Variants in B3GALT1 observed in about 807,000 individuals in gnomAD.
B3GALT1 encodes the protein beta-1,3-galactosyltransferase 1, also known as UDP-Gal:betaGlcNAc beta 1,3-galactosyltransferase, polypeptide 1.
Under a neutral mutation model 23.2 loss-of-function variants are expected in B3GALT1, and 10 were observed. The ratio of observed to expected loss-of-function variants is 0.43; its 90% CI spans 0.27 to 0.73. The LOEUF (loss-of-function observed/expected upper bound fraction) is 0.73. B3GALT1 is among the 30% of genes least tolerant of loss of function. The pLI is 0.21. For missense variants in B3GALT1, 299 were observed against 405.4 expected (o/e 0.74, Z 2.25); for synonymous variants, 156 against 141.5 (o/e 1.10, Z -0.73).
rs535369991 is a variant in B3GALT1 at position 167,303,682 on chromosome 2, C to CACACACACACACAGAGAG, written c.-511+10349_-511+10350insCACACACACACAGAGAGA. 1.6e-3 allele frequency among the ~76,000 whole-genome samples: 240 copies of CACACACACACACAGAGAG among 148,810 alleles called. 1 individual carries two copies. The East Asian group carries it at 0.024, about 15-fold the overall frequency. On this transcript the variant is annotated intron_variant, in intron 1 of 4. Coordinates refer to ENST00000392690, the MANE Select transcript of B3GALT1 (RefSeq NM_020981.4). Reference sequence around the variant, plus strand: ...ACACACACACACACACACACACACACAGAGAGAGACCTTGTTGCTGCCATT... The same window carrying CACACACACACACAGAGAG: ...ACACACACACACACACACACACACACACACACACACACAGAGAGAGAGAGAGACCTTGTTGCTGCCATT...
intron 1 of B3GALT1, among the ~76,000 whole-genome samples, chr2:167,447,616 G>A (rs897360440): frequency 6.6e-6 from 1 of 152,120 alleles, no homozygotes; most frequent in Non-Finnish European, 1.5e-5. Context: ...TCAGACTGCT[G>A]TATTAGCAAT....
At chr2:167,724,148 G>A (rs534469938) in intron 3 of B3GALT1, among the ~76,000 whole-genome samples, 9 of 152,302 alleles carry the variant, frequency 5.9e-5, no homozygotes, top group Non-Finnish European at 1.2e-4. Flanking sequence ...GCCTGGTTGT[G>A]CAACACTCTC....
At chr2:167,701,001 C>A (rs1289513511) in intron 3 of B3GALT1, among the ~76,000 whole-genome samples, 4 of 152,176 alleles carry the variant, frequency 2.6e-5, no homozygotes, top group Admixed American at 2.6e-4. Flanking sequence ...TGAATGTTTA[C>A]CATGTACCGT....
In B3GALT1 at chr2:167,298,242, AG is replaced by A. The variant is rs536077969; in HGVS notation, c.-511+4910del. On this transcript the variant is annotated intron_variant, in intron 1 of 4. Transcript: ENST00000392690. ...TATGTGTAAGGAAGAACTTTACTCC[AG>A]GAAGTTGATATTTATTGCCAGTTCA... Among the ~76,000 whole-genome samples, 4 of 152,258 alleles carry A rather than the reference AG, an allele frequency of 2.6e-5. No individual in the cohort carries two copies. The South Asian group carries it at 8.3e-4, about 32-fold the overall frequency.
At chr2:167,597,940 A>G (rs545404368) in intron 2 of B3GALT1, among the ~76,000 whole-genome samples, 1 of 152,350 alleles carries the variant, frequency 6.6e-6, no homozygotes, top group Non-Finnish European at 1.5e-5. Context: ...TATGACATAA[A>G]TTAAACCATA....
At chr2:167,443,625 T>C (rs1054645528) in intron 1 of B3GALT1, among the ~76,000 whole-genome samples, 2 of 152,184 alleles carry the variant, frequency 1.3e-5, no homozygotes, top group African/African-American at 4.8e-5. Flanking sequence ...TTTATTCTCT[T>C]TGAAGCAATT....
chr2:167,316,466 T>TA (rs1348723334), intron 1 of B3GALT1, among the ~76,000 whole-genome samples: 3 of 152,086 alleles, frequency 2.0e-5, no homozygotes, highest in Admixed American at 2.0e-4. Context: ...CTACCCCTTC[T>TA]AAAAATTTTC....
At chr2:167,707,439 G>A (rs1574223927) in intron 3 of B3GALT1, among the ~76,000 whole-genome samples, 1 of 152,088 alleles carries the variant, frequency 6.6e-6, no homozygotes, top group East Asian at 1.9e-4. Flanking sequence ...GTCTCCATGA[G>A]CTAAGGTCAA....
intron 2 of B3GALT1, among the ~76,000 whole-genome samples, chr2:167,618,470 A>T (rs1685200035): frequency 6.6e-6 from 1 of 152,096 alleles, no homozygotes; most frequent in Non-Finnish European, 1.5e-5. Context: ...ATACCTCTAT[A>T]TGTATTTCCA....
intron 3 of B3GALT1, among the ~76,000 whole-genome samples, chr2:167,746,087 A>T (rs1175148781): frequency 6.6e-6 from 1 of 152,178 alleles, no homozygotes; most frequent in East Asian, 1.9e-4. Flanking sequence ...ATGATTTAGA[A>T]AGTGGTAAAG....
intron 1 of B3GALT1, among the ~76,000 whole-genome samples, chr2:167,336,199 A>G (rs1697055461): frequency 6.6e-6 from 1 of 152,126 alleles, no homozygotes; most frequent in Non-Finnish European, 1.5e-5. Context: ...AGTTTTCTAC[A>G]TATCAACCTG....
intron 1 of B3GALT1, among the ~76,000 whole-genome samples, chr2:167,366,891 G>A (rs1697594892): frequency 6.6e-6 from 1 of 152,192 alleles, no homozygotes; most frequent in Non-Finnish European, 1.5e-5. Context: ...TTCTGACAGG[G>A]CAACTGGCTT....
chr2:167,836,926 T>G (rs1574291550), intron 4 of B3GALT1, among the ~76,000 whole-genome samples: 1 of 152,072 alleles, frequency 6.6e-6, no homozygotes, highest in African/African-American at 2.4e-5. Context: ...CCAGCCAAAC[T>G]AAGCTTCATA....
At position 167,377,654 on chromosome 2, in the gene B3GALT1, T is replaced by A. The variant is rs1261473364; in HGVS notation, c.-511+84320T>A. Among the ~76,000 whole-genome samples, 5 of 152,182 alleles carry A rather than the reference T, an allele frequency of 3.3e-5. No homozygotes were observed. The East Asian group carries it at 9.6e-4, about 29-fold the overall frequency. On this transcript the variant is annotated intron_variant, in intron 1 of 4. Transcript: ENST00000392690. Reference sequence around the variant, plus strand: ...ATAAAAACAGTGACCCCTGCCTTTTTTTGTTTTCTGTTTGTGGGGTAGATC... The same window carrying A: ...ATAAAAACAGTGACCCCTGCCTTTTATTGTTTTCTGTTTGTGGGGTAGATC...
chr2:167,795,690 G>T (rs56116147), intron 3 of B3GALT1, among the ~76,000 whole-genome samples: 2 of 151,942 alleles, frequency 1.3e-5, no homozygotes, highest in African/African-American at 4.8e-5. Context: ...ATGCTGGTTG[G>T]TTTTCTCATT....
At chr2:167,589,995 T>A (rs529006027) in intron 2 of B3GALT1, among the ~76,000 whole-genome samples, 9 of 152,226 alleles carry the variant, frequency 5.9e-5, no homozygotes, top group African/African-American at 1.9e-4. Context: ...TTGATTATCT[T>A]TGAAAATCTT....
intron 1 of B3GALT1, among the ~76,000 whole-genome samples, chr2:167,476,178 A>G (rs1293770425): frequency 6.6e-6 from 1 of 152,120 alleles, no homozygotes; most frequent in Non-Finnish European, 1.5e-5. Flanking sequence ...CCATAACAAC[A>G]ATTCATGATA....
chr2:167,463,145 A>C (rs1435115955), intron 1 of B3GALT1, among the ~76,000 whole-genome samples: 1 of 152,082 alleles, frequency 6.6e-6, no homozygotes, highest in East Asian at 1.9e-4. Flanking sequence ...TGTTTCTGAT[A>C]ACTATTATAG....
At chr2:167,299,684 C>T (rs1442118327) in intron 1 of B3GALT1, among the ~76,000 whole-genome samples, 1 of 151,886 alleles carries the variant, frequency 6.6e-6, no homozygotes, top group Non-Finnish European at 1.5e-5. Flanking sequence ...TTCCTTTATG[C>T]AAAGAAATAA....
Sources: allele counts gnomAD v4.1 joint callset (sites outside exome capture counted in the v4.1 genomes callset), GRCh38; gene constraint gnomAD v4.1.1; transcripts MANE v1.5; gene names NCBI Gene and HGNC (gene_info 2026-07-23, HGNC 2026-07-21).